Variants in SP7 observed in about 807,000 individuals in gnomAD.
The protein encoded by SP7 is Sp7 transcription factor, also known as transcription factor Sp7.
In SP7, 13 loss-of-function variants were observed where a neutral mutation model predicts 27.9. The observed-to-expected ratio is 0.47, with a 90% CI of 0.30 to 0.74. The LOEUF (loss-of-function observed/expected upper bound fraction) is 0.74, where lower values mean the gene tolerates loss of function less well. SP7 is among the 30% of genes least tolerant of loss of function. The pLI is 0.06. For missense variants in SP7, 525 were observed against 558.0 expected, an observed-to-expected ratio of 0.94 and a Z score of 0.60; for synonymous variants, 219 against 226.7, an observed-to-expected ratio of 0.97 and a Z score of 0.31.
chr12:53,329,739 CT>C (rs373308687), intron 2 of SP7, among the ~76,000 whole-genome samples: 32 of 150,808 alleles, frequency 2.1e-4, no homozygotes, highest in Admixed American at 6.6e-5. Context: ...GGTTCTTTTT[CT>C]TTTTTTTTGA....
Position 53,329,119 on chromosome 12 carries a change from G to A in SP7, c.323C>T (p.Pro108Leu). The change falls in exon 3 of 3, where the codon CCT becomes CTT. Residue 108 changes from proline to leucine, a missense_variant. Transcript: ENST00000536324. ...SFPGPTGTQD[P>L]GLLVPKGHSS... ...GTGCCCCTTGGGCACTAGTAGCCCAGGGTCCTGGGTGCCTGTGGGCCCAGG... is the reference window on the plus strand; with the variant it reads ...GTGCCCCTTGGGCACTAGTAGCCCAAGGTCCTGGGTGCCTGTGGGCCCAGG... The A allele has an allele frequency of 6.2e-7, 1 of 1,613,900 alleles. No individual in the cohort carries two copies. The highest frequency in any genetic ancestry group is 8.5e-7 in the Non-Finnish European group (1 of 1,179,880).
At position 53,344,762 on chromosome 12, in the gene SP7, C is replaced by G. The variant is rs1944849386; in HGVS notation, c.-34+352G>C. Among the ~76,000 whole-genome samples, 1 of 150,828 alleles carries G rather than the reference C, an allele frequency of 6.6e-6. No homozygotes were observed. On this transcript the variant is annotated intron_variant, in intron 1 of 1. Coordinates refer to the SP7 transcript ENST00000547755. The surrounding 1 kb of genome is among the most constrained non-coding windows in gnomAD (Gnocchi z 4.6). ...CTTGCGGCCTAGGCCAGGCTCAGGG[C>G]CGCCGGGGATCTCGCCTCCATCCCG...
chr12:53,344,215 G>C lies in SP7; in HGVS notation c.-34+899C>G, dbSNP rs1003768583. Among the ~76,000 whole-genome samples the C allele has an allele frequency of 2.6e-5, 4 of 152,114 alleles. No individual in the cohort carries two copies. Among genetic ancestry groups the C allele is most frequent in the Non-Finnish European group, 5.9e-5 (4 of 68,012 alleles). ...GCACACAGGATATGCAGGCATTTTA[G>C]AGGTATCTATTCAGTTCTGAGAATG... On this transcript the variant is annotated intron_variant, in intron 1 of 1. Transcript: ENST00000547755. This position sits in a 1 kb window ranked among gnomAD's most constrained non-coding sequence, Gnocchi z 4.6.
rs1391048786 is a variant in SP7, at chr12:53,328,732, C to G, written c.710G>C (p.Ser237Thr). Residue 237 changes from serine to threonine, a missense_variant, in exon 3 of 3, where the codon AGT (serine) becomes ACT (threonine). Coordinates refer to ENST00000536324, the MANE Select transcript of SP7 (RefSeq NM_001173467.3). The surrounding 1 kb of genome is among the most constrained non-coding windows in gnomAD (Gnocchi z 5.1). Reference protein sequence around the residue: ...DVYKPKAVGNSGQLEGSGGAK... With the variant: ...DVYKPKAVGNTGQLEGSGGAK... ...TCCACCACTCCCTTCTAGCTGCCCA[C>G]TATTTCCCACTGCCTTGGGTTTATA... 3 of 1,606,812 alleles carry G rather than the reference C, an allele frequency of 1.9e-6. No homozygotes were observed. The East Asian group carries it at 6.7e-5, about 36-fold the overall frequency.
rs748539531 is a variant in SP7, at chr12:53,327,164, C to G, written c.*982G>C. 6.6e-6 allele frequency: 1 copy of G among 152,646 alleles called. No homozygotes were observed. The highest frequency in any genetic ancestry group is 2.4e-5 in the African/African-American group (1 of 41,442). 9.5% of individuals were successfully genotyped at this position (152,646 alleles called of 1,614,324 possible). On this transcript the variant is annotated 3_prime_UTR_variant, in exon 3 of 3. Coordinates refer to ENST00000536324, the MANE Select transcript of SP7 (RefSeq NM_001173467.3). ...GCAGTCAAGGGAGATGGGGTACATTCCAGTCCTTCTCCCCTCCATAGGACT... is the reference window on the plus strand; with the variant it reads ...GCAGTCAAGGGAGATGGGGTACATTGCAGTCCTTCTCCCCTCCATAGGACT...
Position 53,327,468 on chromosome 12 carries a change from A to G in SP7, c.*678T>C, listed in dbSNP as rs1411576708. 1 of 152,642 alleles carries G rather than the reference A, an allele frequency of 6.6e-6. No individual in the cohort carries two copies. The highest frequency in any genetic ancestry group is 1.9e-4 in the East Asian group (1 of 5,202). The allele number at this position is 152,642 out of a possible 1,614,324, so 9.5% of individuals were successfully genotyped here. On this transcript the variant is annotated 3_prime_UTR_variant, in exon 3 of 3. Transcript: ENST00000536324. ...TCACTCTACCTGACCCGTCATCATAACTTACATAAATAGAATTATTACTAT... is the reference window on the plus strand; with the variant it reads ...TCACTCTACCTGACCCGTCATCATAGCTTACATAAATAGAATTATTACTAT...
At chr12:53,334,295 T>C (rs1944740388) in intron 2 of SP7, among the ~76,000 whole-genome samples, 1 of 151,210 alleles carries the variant, frequency 6.6e-6, no homozygotes, top group South Asian at 2.1e-4. Context: ...ACACACCATT[T>C]ATCACTTGGA....
chr12:53,341,313 G>A (rs752520373), upstream of SP7, among the ~76,000 whole-genome samples: 4 of 152,180 alleles, frequency 2.6e-5, no homozygotes, highest in Non-Finnish European at 5.9e-5. Flanking sequence ...AGCTTTAGGA[G>A]AGGCAGATCA....
rs1204785802 is a variant in SP7 at position 53,328,690 on chromosome 12, C to A, written c.752G>T (p.Gly251Val). ...EGSGGAKPPR[G>V]ASTGGSGGYG... ...TCCACCACTACCCCCAGTGCTTGCA[C>A]CCCGTGGGGGTTTGGCTCCACCACT... The change falls in exon 3 of 3, where the codon GGT (glycine) becomes GTT (valine). Residue 251 changes from glycine to valine, a missense_variant. By Grantham distance (109) the Gly-to-Val change is moderately radical (BLOSUM62 -3). Coordinates refer to ENST00000536324, the MANE Select transcript of SP7 (RefSeq NM_001173467.3). This position sits in a 1 kb window ranked among gnomAD's most constrained non-coding sequence, Gnocchi z 5.1. 6.8e-6 allele frequency: 11 copies of A among 1,606,682 alleles called. No homozygotes were observed. The highest frequency in any genetic ancestry group is 1.1e-5 in the South Asian group (1 of 90,452).
At chr12:53,337,542 C>T (rs1334848053), upstream of SP7, among the ~76,000 whole-genome samples, 1 of 152,148 alleles carries the variant, frequency 6.6e-6, no homozygotes, top group Non-Finnish European at 1.5e-5. Context: ...CCCAGCTCTC[C>T]CTGTCAGGGG....
In SP7 at chr12:53,341,407, G is replaced by A. The variant is rs1944821340; in HGVS notation, c.-34+3707C>T. Among the ~76,000 whole-genome samples, 4 of 152,220 alleles carry A rather than the reference G, an allele frequency of 2.6e-5. No individual in the cohort carries two copies. The South Asian group carries it at 8.3e-4, about 32-fold the overall frequency. On this transcript the variant is annotated intron_variant, in intron 1 of 1. Coordinates refer to the SP7 transcript ENST00000547755. ...AAGTGAAAAATGAAAGGAAGAGGAAGACTGGGGTCTGATTCTGAAACAAGG... is the reference window on the plus strand; with the variant it reads ...AAGTGAAAAATGAAAGGAAGAGGAAAACTGGGGTCTGATTCTGAAACAAGG...
At chr12:53,333,455 G>C (rs568969507) in intron 2 of SP7, among the ~76,000 whole-genome samples, 126 of 152,106 alleles carry the variant, frequency 8.3e-4, no homozygotes, top group Non-Finnish European at 1.6e-3. Flanking sequence ...AGGGGAGGGG[G>C]ATCCCCTCCT....
rs375860385 is a variant in SP7, at chr12:53,334,058, G to T, written c.21+1568C>A. On this transcript the variant is annotated intron_variant, in intron 2 of 2. Transcript: ENST00000536324. ...ACTGACACTGTCCCTGCCCTGGGTG[G>T]ACCCAGGATTTCCATGCATCTTATT... Among the ~76,000 whole-genome samples, 282 of 152,284 alleles carry T rather than the reference G, an allele frequency of 1.9e-3. 8 individuals carry two copies. The East Asian group carries it at 0.041, about 22-fold the overall frequency.
Position 53,328,521 on chromosome 12 carries a change from C to T in SP7, c.921G>A (p.Lys307=), listed in dbSNP as rs748341228. The change falls in exon 3 of 3, where the codon AAG becomes AAA. Residue 307 remains lysine (K), a synonymous_variant. Transcript: ENST00000536324. The surrounding 1 kb of genome is among the most constrained non-coding windows in gnomAD (Gnocchi z 5.1). Reference sequence around the variant, plus strand: ...GCAAGTGGGCCTTCAGGTGCGAAGCCTTGCCATACACCTTGCCGCAGCCAG... The same window carrying T: ...GCAAGTGGGCCTTCAGGTGCGAAGCTTTGCCATACACCTTGCCGCAGCCAG... ...HIPGCGKVYG[K]ASHLKAHLRW... 7 of 1,613,944 alleles carry T rather than the reference C, an allele frequency of 4.3e-6. No homozygotes were observed. Among genetic ancestry groups the T allele is most frequent in the African/African-American group, 1.3e-5 (1 of 75,062 alleles).
chr12:53,329,200 G>A lies in SP7; in HGVS notation c.242C>T (p.Pro81Leu). 6.2e-7 allele frequency: 1 copy of A among 1,613,844 alleles called. No homozygotes were observed. The highest frequency in any genetic ancestry group is 1.1e-5 in the South Asian group (1 of 91,072). ...AGCATAGCCTGAGGTGGGTGCTGGAGGACTGCCTGCAGGTGAAAGGAGCCC... is the reference window on the plus strand; with the variant it reads ...AGCATAGCCTGAGGTGGGTGCTGGAAGACTGCCTGCAGGTGAAAGGAGCCC... ...TNGLLSPAGSPPAPTSGYAND... is the reference protein window; with the variant it reads ...TNGLLSPAGSLPAPTSGYAND... The change falls in exon 3 of 3, where the codon CCT (proline) becomes CTT (leucine). Residue 81 changes from proline to leucine, a missense_variant. By Grantham distance (98) the Pro-to-Leu change is moderately conservative (BLOSUM62 -3). Transcript: ENST00000536324.
Position 53,329,401 on chromosome 12 carries a change from G to C in SP7, c.41C>G (p.Ser14Cys). The change falls in exon 3 of 3, where the codon TCC (serine) becomes TGC (cysteine). Residue 14 changes from serine (S) to cysteine (C), a missense_variant. Ser to Cys is a moderately radical substitution (Grantham distance 112, BLOSUM62 -1). Coordinates refer to ENST00000536324, the MANE Select transcript of SP7 (RefSeq NM_001173467.3). ...TGCCGTCAGCATGGCCAGGGGACTG[G>C]AGCCATAGTGAACTTCCTCCTGTGG... Reference protein sequence around the residue: ...SLLEEEVHYGSSPLAMLTAAC... With the variant: ...SLLEEEVHYGCSPLAMLTAAC... 2 of 1,613,938 alleles carry C rather than the reference G, an allele frequency of 1.2e-6. No individual in the cohort carries two copies. Among genetic ancestry groups the C allele is most frequent in the Non-Finnish European group, 1.7e-6 (2 of 1,179,826 alleles).
rs7132306 is a variant in SP7, at chr12:53,344,559, C to A, written c.-34+555G>T. On this transcript the variant is annotated intron_variant, in intron 1 of 1. Transcript: ENST00000547755. This position sits in a 1 kb window ranked among gnomAD's most constrained non-coding sequence, Gnocchi z 4.6. ...CAATGGGACGCCCCCCTCTGGATTT[C>A]AAAGCGCTGTTCAATGCCCCCATCC... Among the ~76,000 whole-genome samples the A allele has an allele frequency of 0.024, 3,587 of 152,228 alleles. 124 individuals carry two copies. Among genetic ancestry groups the A allele is most frequent in the African/African-American group, 0.08 (3,307 of 41,512 alleles).
At position 53,329,383 on chromosome 12, in the gene SP7, A is replaced by G; in HGVS notation, c.59T>C (p.Leu20Pro). 2 of 1,614,022 alleles carry G rather than the reference A, an allele frequency of 1.2e-6. No homozygotes were observed. Among genetic ancestry groups the G allele is most frequent in the Non-Finnish European group, 1.7e-6 (2 of 1,179,880 alleles). Residue 20 changes from leucine to proline, a missense_variant, in exon 3 of 3, where the codon CTG becomes CCG. By Grantham distance (98) the Leu-to-Pro change is moderately conservative (BLOSUM62 -3). Transcript: ENST00000536324. ...ACCAAATTTGCTGCACGCTGCCGTC[A>G]GCATGGCCAGGGGACTGGAGCCATA... is the stretch of plus-strand genomic sequence containing the variant. The part of the protein sequence containing the change: ...VHYGSSPLAM[L>P]TAACSKFGGS...
chr12:53,333,215 G>A (rs1403604800), intron 2 of SP7, among the ~76,000 whole-genome samples: 1 of 152,182 alleles, frequency 6.6e-6, no homozygotes, highest in Non-Finnish European at 1.5e-5. Flanking sequence ...TGAGAACTTG[G>A]GGAAAGAGCA....
Sources: allele counts gnomAD v4.1 joint callset (sites outside exome capture counted in the v4.1 genomes callset), GRCh38; gene constraint gnomAD v4.1.1; non-coding constraint Gnocchi (gnomAD v3.1); transcripts MANE v1.5; gene names NCBI Gene and HGNC (gene_info 2026-07-23, HGNC 2026-07-21).